The following GREM2 variants were observed in gnomAD, a reference collection of about 807,000 sequenced individuals.
The protein encoded by GREM2 is gremlin-2.
A neutral mutation model predicts 14.2 loss-of-function variants in GREM2; 11 were observed. The ratio of observed to expected loss-of-function variants is 0.78; its 90% CI spans 0.49 to 1.28. GREM2 has a LOEUF of 1.28. Among genes scored for constraint, GREM2 ranks in the 50% most tolerant of loss-of-function variants. The pLI is 0.00. For missense variants in GREM2, 210 were observed against 218.5 expected (o/e 0.96, Z 0.24); for synonymous variants, 98 against 97.6 (o/e 1.00, Z -0.02).
intron 1 of GREM2, among the ~76,000 whole-genome samples, chr1:240,499,049 A>T (rs890556215): frequency 1.3e-5 from 2 of 152,222 alleles, no homozygotes; most frequent in Non-Finnish European, 2.9e-5. Flanking sequence ...GGCCAAAGCA[A>T]GCTAGTATTT....
chr1:240,538,052 T>C (rs1256399685), intron 1 of GREM2, among the ~76,000 whole-genome samples: 1 of 152,180 alleles, frequency 6.6e-6, no homozygotes, highest in African/African-American at 2.4e-5. Flanking sequence ...ATTTCATGTT[T>C]GAAACAATAG....
chr1:240,558,530 G>A (rs1047685282), intron 1 of GREM2, among the ~76,000 whole-genome samples: 2 of 152,064 alleles, frequency 1.3e-5, no homozygotes, highest in Non-Finnish European at 2.9e-5. Context: ...AATGGCAGAC[G>A]GAGGAAGCTT....
intron 1 of GREM2, among the ~76,000 whole-genome samples, chr1:240,553,705 C>G (rs1678900228): frequency 6.6e-6 from 1 of 152,140 alleles, no homozygotes; most frequent in African/African-American, 2.4e-5. Flanking sequence ...AAATCCTGTG[C>G]ATGCATGTAT....
At chr1:240,601,363 C>G (rs1426714199) in intron 1 of GREM2, among the ~76,000 whole-genome samples, 1 of 152,128 alleles carries the variant, frequency 6.6e-6, no homozygotes, top group Non-Finnish European at 1.5e-5. Flanking sequence ...GACTACCCAC[C>G]CAACATAACC....
At chr1:240,575,786 G>C (rs927775237) in intron 1 of GREM2, among the ~76,000 whole-genome samples, 5 of 151,946 alleles carry the variant, frequency 3.3e-5, no homozygotes, top group African/African-American at 1.2e-4. Context: ...CTCCCAAAGT[G>C]CTGGGATTAC....
intron 1 of GREM2, among the ~76,000 whole-genome samples, chr1:240,578,573 T>C (rs75338410): frequency 0.26 from 40,010 of 151,430 alleles, 5,761 homozygotes; most frequent in African/African-American, 0.37. Context: ...TCACTTGAGG[T>C]CAGGGGTTCA....
intron 1 of GREM2, among the ~76,000 whole-genome samples, chr1:240,564,061 T>C (rs1161177427): frequency 1.3e-5 from 2 of 151,824 alleles, no homozygotes; most frequent in Admixed American, 6.6e-5. Flanking sequence ...AATTAAAAAT[T>C]GGCTGGGTAT....
chr1:240,532,681 A>C (rs1000637089), intron 1 of GREM2, among the ~76,000 whole-genome samples: 1 of 103,960 alleles, frequency 9.6e-6, no homozygotes, highest in African/African-American at 3.2e-5. Context: ...AGATAGATAG[A>C]TAGATATATG....
chr1:240,570,414 A>C lies in GREM2; in HGVS notation c.-2+41470T>G, dbSNP rs535782896. On this transcript the variant is annotated intron_variant, in intron 1 of 1. Coordinates refer to ENST00000318160, the MANE Select transcript of GREM2 (RefSeq NM_022469.4). ...GAGGTGGAGGTTGCAGTGAGCCAAG[A>C]TCGCACCACTGCACTCCTGCCTGGT... 1.9e-4 allele frequency among the ~76,000 whole-genome samples: 29 copies of C among 152,310 alleles called. 1 individual carries two copies. In the South Asian group the frequency reaches 6.0e-3, roughly 32 times the overall value.
At position 240,493,420 on chromosome 1, in the gene GREM2, G is replaced by T; in HGVS notation, c.56C>A (p.Ala19Glu). 6.2e-7 allele frequency: 1 copy of T among 1,612,336 alleles called. No individual in the cohort carries two copies. Among genetic ancestry groups the T allele is most frequent in the Non-Finnish European group, 8.5e-7 (1 of 1,179,370 alleles). The change falls in exon 2 of 2, where the codon GCG becomes GAG. Residue 19 changes from alanine (A) to glutamate (E), a missense_variant. Coordinates refer to ENST00000318160, the MANE Select transcript of GREM2 (RefSeq NM_022469.4). ...LFLVAVLVKVAEARKNRPAGA... is the reference protein window; with the variant it reads ...LFLVAVLVKVEEARKNRPAGA... Reference sequence around the variant, plus strand: ...CGCCGGCCGGTTCTTCCGGGCTTCCGCCACCTTCACCAGCACCGCCACCAG... The same window carrying T: ...CGCCGGCCGGTTCTTCCGGGCTTCCTCCACCTTCACCAGCACCGCCACCAG...
chr1:240,503,729 T>C (rs1677620764), intron 1 of GREM2, among the ~76,000 whole-genome samples: 1 of 152,212 alleles, frequency 6.6e-6, no homozygotes, highest in Admixed American at 6.5e-5. Context: ...GTTAGTCACT[T>C]AGGCTTCAAT....
chr1:240,563,988 T>C (rs1679122226), intron 1 of GREM2, among the ~76,000 whole-genome samples: 1 of 152,058 alleles, frequency 6.6e-6, no homozygotes, highest in Non-Finnish European at 1.5e-5. Context: ...AGTGGAAGGA[T>C]CACTTGAGCC....
At chr1:240,564,904 G>C (rs775652500) in intron 1 of GREM2, among the ~76,000 whole-genome samples, 6 of 152,320 alleles carry the variant, frequency 3.9e-5, no homozygotes, top group Non-Finnish European at 8.8e-5. Flanking sequence ...ATGATGTATT[G>C]ATGTGGTTTA....
At chr1:240,499,867 G>A (rs1677526662) in intron 1 of GREM2, among the ~76,000 whole-genome samples, 1 of 152,208 alleles carries the variant, frequency 6.6e-6, no homozygotes, top group African/African-American at 2.4e-5. Flanking sequence ...AGTGAGTGGT[G>A]GAGACCTGAA....
Position 240,542,584 on chromosome 1 carries a change from C to G in GREM2, c.-1-49108G>C, listed in dbSNP as rs1474783174. Reference sequence around the variant, plus strand: ...GAGCCAAGATTGTGCCCCTGCACTCCAGCCTAGTGACAGAGCGAGACTCCA... The same window carrying G: ...GAGCCAAGATTGTGCCCCTGCACTCGAGCCTAGTGACAGAGCGAGACTCCA... On this transcript the variant is annotated intron_variant, in intron 1 of 1. Coordinates refer to ENST00000318160, the MANE Select transcript of GREM2 (RefSeq NM_022469.4). The surrounding 1 kb of genome is among the most constrained non-coding windows in gnomAD (Gnocchi z 4.1). Among the ~76,000 whole-genome samples the G allele has an allele frequency of 6.6e-6, 1 of 151,868 alleles. No homozygotes were observed.
chr1:240,580,731 C>T (rs12117424), intron 1 of GREM2, among the ~76,000 whole-genome samples: 22,913 of 152,032 alleles, frequency 0.15, 2,008 homozygotes, highest in South Asian at 0.29. Context: ...GGCCACCACA[C>T]CCAATTATAT....
chr1:240,525,669 G>A (rs1313303474), intron 1 of GREM2, among the ~76,000 whole-genome samples: 2 of 152,016 alleles, frequency 1.3e-5, no homozygotes, highest in Non-Finnish European at 2.9e-5. Flanking sequence ...AGTAGAGATG[G>A]GGTTTCACCA....
At chr1:240,594,161 C>T (rs1679768803) in intron 1 of GREM2, among the ~76,000 whole-genome samples, 1 of 151,876 alleles carries the variant, frequency 6.6e-6, no homozygotes, top group African/African-American at 2.4e-5. Flanking sequence ...GCCAAGTTTC[C>T]CAGGCTGGTC....
chr1:240,493,096 C>T lies in GREM2; in HGVS notation c.380G>A (p.Arg127His). 1.2e-6 allele frequency: 2 copies of T among 1,614,060 alleles called. No homozygotes were observed. Among genetic ancestry groups the T allele is most frequent in the South Asian group, 1.1e-5 (1 of 91,086 alleles). The change falls in exon 2 of 2, where the codon CGC (arginine) becomes CAC (histidine). Residue 127 changes from arginine (R) to histidine (H), a missense_variant. Physicochemically the swap from Arg to His is conservative, Grantham distance 29. Coordinates refer to ENST00000318160, the MANE Select transcript of GREM2 (RefSeq NM_022469.4). ...GAGCTCCACGAGGACGGAGGTGACG[C>T]GCTGGGGCTTGCAGAAGGCGCAGGA... is the stretch of plus-strand genomic sequence containing the variant. ...FQSCAFCKPQ[R>H]VTSVLVELEC...
Sources: gnomAD v4.1 joint callset for allele counts (sites outside exome capture counted in the v4.1 genomes callset) on GRCh38, gnomAD v4.1.1 for gene constraint, Gnocchi (gnomAD v3.1) non-coding constraint, MANE v1.5 for transcripts, NCBI Gene and HGNC (gene_info 2026-07-23, HGNC 2026-07-21) for gene names.